The following RSL24D1 variants were observed in gnomAD, a reference collection of about 807,000 sequenced individuals.
RSL24D1 encodes the protein probable ribosome biogenesis protein RLP24.
RSL24D1 carries 6 observed loss-of-function variants against 26.2 expected under a neutral mutation model. The ratio of observed to expected loss-of-function variants is 0.23; its 90% confidence interval spans 0.13 to 0.45. RSL24D1 has a LOEUF of 0.45. Among genes scored for constraint, RSL24D1 ranks in the 20% least tolerant of loss-of-function variants. The probability of loss-of-function intolerance (pLI) is 0.99; values close to 1 mark genes in which losing one functional copy is unlikely to be tolerated. For missense variants in RSL24D1, 176 were observed against 202.6 expected, an observed-to-expected ratio of 0.87 and a Z score of 0.80; for synonymous variants, 61 against 59.1, an observed-to-expected ratio of 1.03 and a Z score of -0.15.
chr15:55,184,680 A>T (rs1254200834), intron 4 of RSL24D1, among the ~76,000 whole-genome samples: 5 of 152,164 alleles, frequency 3.3e-5, no homozygotes, highest in African/African-American at 1.2e-4. Context: ...CAAAATAGTA[A>T]TCTTCCAGTG....
chr15:55,184,086 G>T (rs917267553), intron 4 of RSL24D1, among the ~76,000 whole-genome samples: 3 of 152,140 alleles, frequency 2.0e-5, no homozygotes, highest in Non-Finnish European at 2.9e-5. Flanking sequence ...ACATTTTTGT[G>T]AAATGCTTTA....
intron 3 of RSL24D1, among the ~76,000 whole-genome samples, chr15:55,189,944 G>T (rs968085352): frequency 2.0e-5 from 3 of 152,158 alleles, no homozygotes; most frequent in Non-Finnish European, 4.4e-5. Context: ...GTAGCCATGG[G>T]AAGAAAAGAA....
At chr15:55,185,335 A>G (rs754513786) in intron 4 of RSL24D1, 27 bp downstream of exon 4, 3 of 1,543,472 alleles carry the variant, frequency 1.9e-6, no homozygotes, top group South Asian at 1.2e-5. Flanking sequence ...TTATTTTCCA[A>G]AAGTTACTCC....
At chr15:55,182,480 GA>G (rs1340188293) in intron 5 of RSL24D1, among the ~76,000 whole-genome samples, 1 of 152,142 alleles carries the variant, frequency 6.6e-6, no homozygotes, top group African/African-American at 2.4e-5. Flanking sequence ...CTCAAAGACA[GA>G]TTAACTTGCT....
At chr15:55,184,002 A>T (rs1894197922) in intron 4 of RSL24D1, among the ~76,000 whole-genome samples, 1 of 152,236 alleles carries the variant, frequency 6.6e-6, no homozygotes, top group African/African-American at 2.4e-5. Flanking sequence ...TATAATTTTT[A>T]AAAAACCATT....
rs781596166 is a variant in RSL24D1 at position 55,182,123 on chromosome 15, G to A, written c.*29C>T. On this transcript the variant is annotated 3_prime_UTR_variant, in exon 6 of 6. Transcript: ENST00000260443. ...AAGTATCCAAAGGGCATTTTCAAAT[G>A]TACATAAAAGAAATGGTTACAGAGA... 5 of 1,386,638 alleles carry A rather than the reference G, an allele frequency of 3.6e-6. No homozygotes were observed. In the South Asian group the frequency reaches 5.9e-5, roughly 16 times the overall value. The allele number at this position is 1,386,638 out of a possible 1,614,324, so 85.9% of individuals were successfully genotyped here.
At chr15:55,188,013 T>C (rs1350740456) in intron 3 of RSL24D1, among the ~76,000 whole-genome samples, 1 of 152,226 alleles carries the variant, frequency 6.6e-6, no homozygotes, top group Non-Finnish European at 1.5e-5. Context: ...GTGCAAACTA[T>C]TTTTCCCGGT....
chr15:55,192,855 T>C (rs1364399406), intron 1 of RSL24D1, 22 bp from the exon 2 acceptor site: 21 of 1,534,948 alleles, frequency 1.4e-5, no homozygotes, highest in Non-Finnish European at 1.8e-5. Context: ...GTTAAAATAT[T>C]GAGAAGTCAA....
Position 55,196,920 on chromosome 15 carries a change from A to G in RSL24D1, c.-30T>C. ...AACCCGCGTGTAACCCCACCAAACAAACGCCAAGCTTGAGAGGAAGTGATG... is the reference window on the plus strand; with the variant it reads ...AACCCGCGTGTAACCCCACCAAACAGACGCCAAGCTTGAGAGGAAGTGATG... On this transcript the variant is annotated 5_prime_UTR_variant, in exon 1 of 6. Transcript: ENST00000260443. The G allele has an allele frequency of 6.2e-7, 1 of 1,606,430 alleles. No homozygotes were observed. Among genetic ancestry groups the G allele is most frequent in the Admixed American group, 1.7e-5 (1 of 59,968 alleles).
chr15:55,188,094 T>C (rs910328461), intron 3 of RSL24D1, among the ~76,000 whole-genome samples: 33 of 152,302 alleles, frequency 2.2e-4, no homozygotes, highest in South Asian at 2.1e-4. Flanking sequence ...TTAATCCATA[T>C]CCTCACACAA....
chr15:55,187,080 T>G (rs1894232613), intron 3 of RSL24D1, among the ~76,000 whole-genome samples: 1 of 152,162 alleles, frequency 6.6e-6, no homozygotes, highest in South Asian at 2.1e-4. Context: ...ATTTGGGAGC[T>G]TGTTAGAAAT....
rs1044719177 is a variant in RSL24D1, at chr15:55,185,216, A to T, written c.332+146T>A. ...AGTAAATGTAAAATGCTAGCAGAAT[A>T]TACAAGAGTTCTTCATATTATTCCT... is the stretch of plus-strand genomic sequence containing the variant. On this transcript the variant is annotated intron_variant, in intron 4 of 5. Coordinates refer to ENST00000260443, the MANE Select transcript of RSL24D1 (RefSeq NM_016304.3). 1.5e-5 allele frequency: 8 copies of T among 539,954 alleles called. No individual in the cohort carries two copies. In the Admixed American group the frequency reaches 3.1e-4, roughly 21 times the overall value. 33.4% of individuals were successfully genotyped at this position (539,954 alleles called of 1,614,324 possible). A position where few individuals can be genotyped will look rare whatever the true frequency, so the allele number is the denominator to read the frequency against.
intron 3 of RSL24D1, among the ~76,000 whole-genome samples, chr15:55,189,489 T>C (rs898165498): frequency 6.6e-6 from 1 of 152,216 alleles, no homozygotes; most frequent in Admixed American, 6.5e-5. Context: ...ATTCCAAATC[T>C]AAACTCCAGT....
At chr15:55,191,812 G>T (rs1463638998) in intron 2 of RSL24D1, among the ~76,000 whole-genome samples, 5 of 152,216 alleles carry the variant, frequency 3.3e-5, no homozygotes, top group Non-Finnish European at 4.4e-5. Flanking sequence ...GCTTTATTCA[G>T]ATCATAATAA....
In RSL24D1 at chr15:55,184,454, A is replaced by T. The variant is rs181675710; in HGVS notation, c.332+908T>A. Among the ~76,000 whole-genome samples, 526 of 152,324 alleles carry T rather than the reference A, an allele frequency of 3.5e-3. 5 individuals are homozygous for T. Among genetic ancestry groups the T allele is most frequent in the Middle Eastern group, 6.8e-3 (2 of 294 alleles). On this transcript the variant is annotated intron_variant, in intron 4 of 5. Coordinates refer to ENST00000260443, the MANE Select transcript of RSL24D1 (RefSeq NM_016304.3). ...ATCTTGAAATTGATGGAAAAGGGAAAGCTCTTTCTTACATGAGAAAATCAA... is the reference window on the plus strand; with the variant it reads ...ATCTTGAAATTGATGGAAAAGGGAATGCTCTTTCTTACATGAGAAAATCAA...
chr15:55,194,597 C>T (rs146200419), intron 1 of RSL24D1, among the ~76,000 whole-genome samples: 2,962 of 152,208 alleles, frequency 0.019, 101 homozygotes, highest in African/African-American at 0.068. Flanking sequence ...ACTAATTCAA[C>T]ATTTATTAAG....
At chr15:55,190,385 T>G (rs1422039872) in intron 3 of RSL24D1, among the ~76,000 whole-genome samples, 1 of 149,958 alleles carries the variant, frequency 6.7e-6, no homozygotes, top group Non-Finnish European at 1.5e-5. Context: ...TCTGCCTATT[T>G]CAGGGAAAAA....
intron 3 of RSL24D1, 57 bp downstream of exon 3, chr15:55,190,918 T>C (rs1475252058): frequency 7.3e-6 from 8 of 1,096,734 alleles, no homozygotes; most frequent in Non-Finnish European, 9.6e-6. Flanking sequence ...CTTAAAGTTA[T>C]AGTATTATCC....
At position 55,183,380 on chromosome 15, in the gene RSL24D1, A is replaced by G; in HGVS notation, c.353T>C (p.Leu118Pro). 6.2e-7 allele frequency: 1 copy of G among 1,612,368 alleles called. No individual in the cohort carries two copies. Among genetic ancestry groups the G allele is most frequent in the Non-Finnish European group, 8.5e-7 (1 of 1,179,510 alleles). Residue 118 changes from leucine to proline, a missense_variant, in exon 5 of 6, where the codon CTA (leucine) becomes CCA (proline). Around this residue, in one of 3 missense-constraint regions of RSL24D1, gnomAD observed 89 missense variants for 135.1 expected, o/e 0.66. Transcript: ENST00000260443. Reference protein sequence around the residue: ...IMNRLKKNKELQKVQDIKEVK... With the variant: ...IMNRLKKNKEPQKVQDIKEVK... ...TTCTTTGATATCCTGAACTTTCTGT[A>G]GCTCTTTATTTTTCTTCAATCTACA...
Sources: allele counts gnomAD v4.1 joint callset (sites outside exome capture counted in the v4.1 genomes callset), GRCh38; gene constraint gnomAD v4.1.1; regional missense constraint gnomAD v4.1.1; transcripts MANE v1.5; gene names NCBI Gene and HGNC (gene_info 2026-07-23, HGNC 2026-07-21).